Variants in PPM1L observed in about 807,000 individuals in gnomAD.
PPM1L encodes protein phosphatase 1L.
Under a neutral mutation model 31.4 loss-of-function variants are expected in PPM1L, and 13 were observed. The observed-to-expected ratio is 0.41, with a 90% CI of 0.27 to 0.66. The LOEUF is 0.66. PPM1L is among the 30% of genes least tolerant of loss of function. The pLI is 0.29. For synonymous variants in PPM1L, 184 were observed against 175.4 expected, an observed-to-expected ratio of 1.05 and a Z score of -0.39; for missense variants, 326 against 453.7, an observed-to-expected ratio of 0.72 and a Z score of 2.56.
At chr3:160,931,992 G>GTT (rs11429530) in intron 1 of PPM1L, among the ~76,000 whole-genome samples, 16 of 151,722 alleles carry the variant, frequency 1.1e-4, no homozygotes, top group Non-Finnish European at 2.1e-4. Flanking sequence ...TCATTCTTTT[G>GTT]TTTTTTTGCT....
intron 1 of PPM1L, among the ~76,000 whole-genome samples, chr3:160,873,349 G>A (rs1243164156): frequency 6.6e-6 from 1 of 152,282 alleles, no homozygotes; most frequent in East Asian, 1.9e-4. Flanking sequence ...AGATGCTTAT[G>A]TGCTAACCTG....
chr3:160,990,065 G>T (rs1717081993), intron 2 of PPM1L, among the ~76,000 whole-genome samples: 2 of 152,158 alleles, frequency 1.3e-5, no homozygotes, highest in East Asian at 1.9e-4. Flanking sequence ...CATGAACACA[G>T]CTCACTGCAG....
intron 2 of PPM1L, among the ~76,000 whole-genome samples, chr3:161,000,082 G>A (rs1717435792): frequency 6.6e-6 from 1 of 152,138 alleles, no homozygotes; most frequent in African/African-American, 2.4e-5. Flanking sequence ...TGTTTGCTTT[G>A]TGAACAGGTG....
chr3:160,899,781 C>T (rs1441306834), intron 1 of PPM1L, among the ~76,000 whole-genome samples: 1 of 151,964 alleles, frequency 6.6e-6, no homozygotes, highest in Admixed American at 6.6e-5. Context: ...TTCTATGTGG[C>T]CTGTGAAATG....
intron 3 of PPM1L, 33 bp downstream of exon 3, chr3:161,065,597 C>T (rs1486328230): frequency 1.2e-6 from 2 of 1,602,198 alleles, no homozygotes; most frequent in Non-Finnish European, 1.7e-6. Flanking sequence ...GAAATGTCTG[C>T]TGTCTTGCTG....
intron 2 of PPM1L, among the ~76,000 whole-genome samples, chr3:161,041,916 G>A (rs1041146304): frequency 3.3e-5 from 5 of 152,094 alleles, no homozygotes; most frequent in Admixed American, 1.3e-4. Flanking sequence ...TAAATGAGAC[G>A]TACTAGTCAT....
chr3:160,986,146 C>T lies in PPM1L; in HGVS notation c.574+24236C>T, dbSNP rs145226248. ...ACGTCTCAGTGAGAGTTCAGGCTGT[C>T]GAACTATGGAAAGCATCCAGCTTCT... On this transcript the variant is annotated intron_variant, in intron 2 of 3. Transcript: ENST00000498165. Among the ~76,000 whole-genome samples the T allele has an allele frequency of 2.8e-4, 43 of 152,264 alleles. 1 individual carries two copies. The highest frequency in any genetic ancestry group is 9.4e-4 in the African/African-American group (39 of 41,558).
chr3:160,931,355 G>A (rs1035112779), intron 1 of PPM1L, among the ~76,000 whole-genome samples: 1 of 152,014 alleles, frequency 6.6e-6, no homozygotes, highest in Non-Finnish European at 1.5e-5. Context: ...AGATCAAATG[G>A]GAAGCTGCAC....
intron 1 of PPM1L, among the ~76,000 whole-genome samples, chr3:160,904,366 A>G (rs2108056883): frequency 6.6e-6 from 1 of 152,338 alleles, no homozygotes; most frequent in Middle Eastern, 3.4e-3. Context: ...AATATTACTT[A>G]GTATAATCTT....
chr3:160,766,766 T>C (rs1715111650), intron 1 of PPM1L, among the ~76,000 whole-genome samples: 1 of 151,612 alleles, frequency 6.6e-6, no homozygotes, highest in African/African-American at 2.4e-5. Context: ...TTCCCTTCTC[T>C]TTCTCTGTTT....
intron 2 of PPM1L, among the ~76,000 whole-genome samples, chr3:161,056,346 T>C (rs1420416251): frequency 1.3e-5 from 2 of 152,168 alleles, no homozygotes; most frequent in African/African-American, 4.8e-5. Flanking sequence ...CTCTGAGTCC[T>C]TTTCCATCTC....
intron 2 of PPM1L, among the ~76,000 whole-genome samples, chr3:161,015,023 G>A (rs111260203): frequency 0.025 from 3,795 of 151,824 alleles, 82 homozygotes; most frequent in South Asian, 0.043. Context: ...GGTCACAGTT[G>A]TAAATCAAGG....
At chr3:160,834,622 T>G (rs1444929670) in intron 1 of PPM1L, among the ~76,000 whole-genome samples, 1 of 152,104 alleles carries the variant, frequency 6.6e-6, no homozygotes, top group Non-Finnish European at 1.5e-5. Context: ...TATATAGTTT[T>G]GTCATTTTGA....
intron 1 of PPM1L, among the ~76,000 whole-genome samples, chr3:160,779,057 A>T (rs1220900239): frequency 2.7e-5 from 4 of 150,234 alleles, no homozygotes; most frequent in Admixed American, 6.6e-5. Flanking sequence ...TTTGTGTTAT[A>T]GTCCTGTTTC....
chr3:160,805,115 A>C (rs1237331368), intron 1 of PPM1L, among the ~76,000 whole-genome samples: 1 of 152,248 alleles, frequency 6.6e-6, no homozygotes, highest in African/African-American at 2.4e-5. Flanking sequence ...GCCCTAGCCC[A>C]GCTAGGCAGA....
Position 161,054,387 on chromosome 3 carries a change from T to C in PPM1L, c.575-11016T>C, listed in dbSNP as rs895449922. 2.6e-5 allele frequency among the ~76,000 whole-genome samples: 4 copies of C among 151,530 alleles called. No homozygotes were observed. The East Asian group carries it at 7.7e-4, about 29-fold the overall frequency. On this transcript the variant is annotated intron_variant, in intron 2 of 3. Coordinates refer to ENST00000498165, the MANE Select transcript of PPM1L (RefSeq NM_139245.4). ...CCTTGTACTATGATGTCTTTCTTCC[T>C]GGGGTCAGTGGGTACGGGATAAAGC...
chr3:160,921,199 C>T (rs564196858), intron 1 of PPM1L, among the ~76,000 whole-genome samples: 7 of 152,240 alleles, frequency 4.6e-5, no homozygotes, highest in Admixed American at 3.9e-4. Context: ...GTGGAGCCTG[C>T]AGTTACCCTT....
intron 2 of PPM1L, among the ~76,000 whole-genome samples, chr3:161,030,860 A>G (rs1718544763): frequency 2.0e-5 from 3 of 152,182 alleles, no homozygotes; most frequent in Admixed American, 2.0e-4. Context: ...AAAAAAAGGA[A>G]AGCTTCCAGA....
At chr3:161,055,509 A>T (rs895931286) in intron 2 of PPM1L, among the ~76,000 whole-genome samples, 1 of 152,100 alleles carries the variant, frequency 6.6e-6, no homozygotes, top group African/African-American at 2.4e-5. Context: ...TCTGTCCGTT[A>T]TCAGGCCTTG....
Sources: allele counts gnomAD v4.1 joint callset (sites outside exome capture counted in the v4.1 genomes callset), GRCh38; gene constraint gnomAD v4.1.1; transcripts MANE v1.5; gene names NCBI Gene and HGNC (gene_info 2026-07-23, HGNC 2026-07-21).